The following EHD4 variants were observed in gnomAD, a reference collection of about 807,000 sequenced individuals.
The protein encoded by EHD4 is EH domain-containing protein 4.
EHD4 carries 37 observed loss-of-function variants against 51.0 expected under a neutral mutation model. That is an observed-to-expected ratio of 0.73 (90% confidence interval 0.56 to 0.95). The LOEUF is 0.95. Among genes scored for constraint, EHD4 ranks in the 40% least tolerant of loss-of-function variants. The pLI is 0.00. For synonymous variants in EHD4, 297 were observed against 317.3 expected (o/e 0.94, Z 0.68); for missense variants, 632 against 733.1 (o/e 0.86, Z 1.59).
intron 3 of EHD4, chr15:41,942,403 C>CT (rs2140999052): frequency 8.5e-6 from 1 of 117,142 alleles, no homozygotes; most frequent in Admixed American, 8.9e-5. Flanking sequence ...CACCACCATG[C>CT]CCAGCTAATT....
chr15:41,964,232 A>C (rs971837844), intron 1 of EHD4, among the ~76,000 whole-genome samples: 4 of 152,126 alleles, frequency 2.6e-5, no homozygotes, highest in Non-Finnish European at 5.9e-5. Flanking sequence ...GACAATTCAC[A>C]AAGTAATATG....
intron 3 of EHD4, among the ~76,000 whole-genome samples, chr15:41,934,788 C>T (rs776843406): frequency 3.7e-4 from 56 of 152,160 alleles, no homozygotes; most frequent in Non-Finnish European, 6.9e-4. Flanking sequence ...GAAAGGACAG[C>T]AATTGCACGG....
At position 41,972,453 on chromosome 15, in the gene EHD4, G is replaced by T. The variant is rs2068005381; in HGVS notation, c.42C>A (p.Arg14=). Residue 14 remains arginine, a synonymous_variant, in exon 1 of 6, where the codon CGC becomes CGA. Coordinates refer to ENST00000220325, the MANE Select transcript of EHD4 (RefSeq NM_139265.4). ...TCTGCACCGCGTCCGCGCCGCCAGC[G>T]CGTTCGCGCCCGCCCGCCTGCCGCC... is the stretch of plus-strand genomic sequence containing the variant. ...WMGRQAGGRE[R]AGGADAVQTV... is the part of the protein sequence containing the mutation. The T allele has an allele frequency of 6.4e-7, 1 of 1,566,166 alleles. No homozygotes were observed.
At chr15:41,934,510 C>T (rs1004056718) in intron 3 of EHD4, among the ~76,000 whole-genome samples, 1 of 152,018 alleles carries the variant, frequency 6.6e-6, no homozygotes, top group East Asian at 1.9e-4. Context: ...GAGACTGGGT[C>T]TCTCTATGCT....
intron 3 of EHD4, among the ~76,000 whole-genome samples, chr15:41,930,596 C>T (rs1000121536): frequency 6.6e-6 from 1 of 152,064 alleles, no homozygotes; most frequent in Non-Finnish European, 1.5e-5. Context: ...CCTGAAGACC[C>T]CACCCCTCGC....
intron 2 of EHD4, among the ~76,000 whole-genome samples, chr15:41,949,989 TCCCCAGAGC>T (rs1305928097): frequency 6.6e-6 from 1 of 152,092 alleles, no homozygotes; most frequent in Non-Finnish European, 1.5e-5. Context: ...AACAAGCACC[TCCCCAGAGC>T]TGCTCCCAGA....
chr15:41,959,725 T>C (rs1289769534), intron 1 of EHD4, among the ~76,000 whole-genome samples: 4 of 152,094 alleles, frequency 2.6e-5, no homozygotes, highest in Non-Finnish European at 5.9e-5. Context: ...CCCAGCACTT[T>C]GAGAGGCTGA....
intron 3 of EHD4, chr15:41,926,047 A>G (rs1472335625): frequency 6.6e-6 from 1 of 152,228 alleles, no homozygotes; most frequent in Non-Finnish European, 1.5e-5. Context: ...GTTTCTAATT[A>G]TGAGTTTTAA....
chr15:41,942,826 C>CACTCGTTTACCCT (rs905832546), intron 3 of EHD4: 3 of 414,378 alleles, frequency 7.2e-6, no homozygotes, highest in Admixed American at 3.6e-5. Context: ...TTGTTTACCC[C>CACTCGTTTACCCT]ACTCCTCATC....
At chr15:41,940,335 A>G (rs915119134) in intron 3 of EHD4, among the ~76,000 whole-genome samples, 1 of 152,238 alleles carries the variant, frequency 6.6e-6, no homozygotes, top group African/African-American at 2.4e-5. Context: ...ATTCTTGGCA[A>G]AGGTGGGGCT....
rs760134279 is a variant in EHD4 at position 41,972,293 on chromosome 15, C to T, written c.202G>A (p.Gly68Ser). Residue 68 changes from glycine (G) to serine (S), a missense_variant, in exon 1 of 6, where the codon GGC (glycine) becomes AGC (serine). Coordinates refer to ENST00000220325, the MANE Select transcript of EHD4 (RefSeq NM_139265.4). ...GTGGTCTTGCCGGTGCTGTACTGGC[C>T]CACCAGCAGGATCATGGGCTTGTTC... is the stretch of plus-strand genomic sequence containing the variant. ...FENKPMILLV[G>S]QYSTGKTTFI... is the part of the protein sequence containing the mutation. 2 of 1,609,696 alleles carry T rather than the reference C, an allele frequency of 1.2e-6. No individual in the cohort carries two copies. Among genetic ancestry groups the T allele is most frequent in the Non-Finnish European group, 1.7e-6 (2 of 1,178,280 alleles).
At chr15:41,963,942 G>A (rs534897768) in intron 1 of EHD4, among the ~76,000 whole-genome samples, 229 of 151,828 alleles carry the variant, frequency 1.5e-3, no homozygotes, top group Non-Finnish European at 2.6e-3. Context: ...TCAGGAGATC[G>A]AGACCATCCT....
intron 1 of EHD4, among the ~76,000 whole-genome samples, chr15:41,958,069 C>CT (rs1351633181): frequency 6.6e-6 from 1 of 151,828 alleles, no homozygotes; most frequent in Admixed American, 6.6e-5. Flanking sequence ...CCCAAAGCTA[C>CT]GAGTTTCAGG....
rs201866611 is a variant in EHD4, at chr15:41,902,237, G to A, written c.1090-1056C>T. Among the ~76,000 whole-genome samples the A allele has an allele frequency of 3.7e-4, 53 of 141,920 alleles. No individual in the cohort carries two copies. The East Asian group carries it at 9.0e-3, about 24-fold the overall frequency. 93.1% of individuals were successfully genotyped at this position (141,920 alleles called of 152,430 possible). ...GACCTTCCTACCTTGGTTCTCCTTG[G>A]TTACTCCATCCATCCATCCATCCAT... On this transcript the variant is annotated intron_variant, in intron 5 of 5. Coordinates refer to ENST00000220325, the MANE Select transcript of EHD4 (RefSeq NM_139265.4).
intron 4 of EHD4, among the ~76,000 whole-genome samples, chr15:41,914,677 A>C (rs1388017898): frequency 6.6e-6 from 1 of 152,124 alleles, no homozygotes; most frequent in Non-Finnish European, 1.5e-5. Flanking sequence ...AGCCCTGCCG[A>C]GGACTAGGCA....
At chr15:41,919,700 G>C in intron 3 of EHD4, 78 bp from the exon 4 acceptor site, 1 of 1,365,322 alleles carries the variant, frequency 7.3e-7, no homozygotes, top group Non-Finnish European at 9.6e-7. Flanking sequence ...GAACAGTCTC[G>C]CTCTCCAGCA....
intron 4 of EHD4, among the ~76,000 whole-genome samples, chr15:41,912,185 G>A (rs1156471502): frequency 3.3e-5 from 5 of 152,056 alleles, no homozygotes; most frequent in African/African-American, 4.8e-5. Flanking sequence ...TCCTCCTTCC[G>A]CCAGCTTGGT....
intron 1 of EHD4, among the ~76,000 whole-genome samples, chr15:41,963,687 T>C (rs1377202371): frequency 6.6e-6 from 1 of 150,716 alleles, no homozygotes; most frequent in African/African-American, 2.4e-5. Context: ...AAAGATATTA[T>C]AAAAAAGGAA....
At chr15:41,923,036 A>C (rs1462863666) in intron 3 of EHD4, among the ~76,000 whole-genome samples, 1 of 152,192 alleles carries the variant, frequency 6.6e-6, no homozygotes, top group African/African-American at 2.4e-5. Context: ...CAAAGTTAGG[A>C]TTATTTTGCT....
Sources: allele counts gnomAD v4.1 joint callset (sites outside exome capture counted in the v4.1 genomes callset), GRCh38; gene constraint gnomAD v4.1.1; transcripts MANE v1.5; gene names NCBI Gene and HGNC (gene_info 2026-07-23, HGNC 2026-07-21).